ANGPT1: variants seen among roughly 807,000 people sequenced by gnomAD.
The protein encoded by ANGPT1 is angiopoietin 1.
A neutral mutation model predicts 62.2 loss-of-function variants in ANGPT1; 17 were observed. The observed-to-expected ratio is 0.27, with a 90% CI of 0.19 to 0.41. The LOEUF (loss-of-function observed/expected upper bound fraction) is 0.41, where lower values mean the gene tolerates loss of function less well. ANGPT1 is among the 10% of genes least tolerant of loss of function. The pLI is 1.00. For missense variants in ANGPT1, 478 were observed against 594.9 expected (o/e 0.80, Z 2.04); for synonymous variants, 199 against 198.9 (o/e 1.00, Z 0.00).
chr8:107,380,480 A>G (rs1816615571), intron 1 of ANGPT1, among the ~76,000 whole-genome samples: 1 of 152,050 alleles, frequency 6.6e-6, no homozygotes, highest in South Asian at 2.1e-4. Context: ...TAGAAGCTAG[A>G]TGCCATTTTG....
chr8:107,338,646 T>C (rs994039208), intron 2 of ANGPT1, among the ~76,000 whole-genome samples: 1 of 152,234 alleles, frequency 6.6e-6, no homozygotes, highest in Admixed American at 6.5e-5. Context: ...TTCTATTCTG[T>C]ATTATTTCAT....
In ANGPT1 at chr8:107,441,539, A is replaced by G. The variant is rs1288699519; in HGVS notation, c.297+55723T>C. ...TGGTACCCCATTGCCAAGTAGAGAG[A>G]AAATCAGCTCATCAGCTCAGGAGTC... is the stretch of plus-strand genomic sequence containing the variant. On this transcript the variant is annotated intron_variant, in intron 1 of 8. Coordinates refer to ENST00000517746, the MANE Select transcript of ANGPT1 (RefSeq NM_001146.5). 3.3e-5 allele frequency among the ~76,000 whole-genome samples: 5 copies of G among 152,184 alleles called. No individual in the cohort carries two copies. The East Asian group carries it at 9.6e-4, about 29-fold the overall frequency.
At chr8:107,257,886 TGTTTGTTTG>T (rs1421751810) in intron 8 of ANGPT1, among the ~76,000 whole-genome samples, 41 of 103,580 alleles carry the variant, frequency 4.0e-4, no homozygotes, top group East Asian at 2.8e-3. Flanking sequence ...GTTTCTTTTT[TGTTTGTTTG>T]TTTGTTTGTT....
intron 1 of ANGPT1, among the ~76,000 whole-genome samples, chr8:107,400,382 G>A (rs1211703579): frequency 6.6e-6 from 1 of 152,094 alleles, no homozygotes; most frequent in Non-Finnish European, 1.5e-5. Flanking sequence ...CTTCCACATA[G>A]TAGGTCCTGT....
At position 107,344,966 on chromosome 8, in the gene ANGPT1, T is replaced by C. The variant is rs146362385; in HGVS notation, c.453+1976A>G. Among the ~76,000 whole-genome samples the C allele has an allele frequency of 5.3e-4, 80 of 152,316 alleles. 1 individual carries two copies. The highest frequency in any genetic ancestry group is 1.7e-3 in the South Asian group (8 of 4,826). ...GCAGAACATGTCCTGTTGCAATAGT[T>C]CAAATAAGTAGCACGAGGGTATACA... On this transcript the variant is annotated intron_variant, in intron 2 of 8. Coordinates refer to ENST00000517746, the MANE Select transcript of ANGPT1 (RefSeq NM_001146.5).
At chr8:107,484,762 T>G (rs1367053822) in intron 1 of ANGPT1, among the ~76,000 whole-genome samples, 1 of 152,214 alleles carries the variant, frequency 6.6e-6, no homozygotes, top group Non-Finnish European at 1.5e-5. Flanking sequence ...TTGCTCTCTT[T>G]GCAGATAAAT....
At chr8:107,467,179 A>G (rs1812226153) in intron 1 of ANGPT1, among the ~76,000 whole-genome samples, 1 of 152,042 alleles carries the variant, frequency 6.6e-6, no homozygotes, top group South Asian at 2.1e-4. Context: ...GGAAATGATA[A>G]GGTGATAGAT....
At chr8:107,364,459 T>G (rs1816232213) in intron 1 of ANGPT1, among the ~76,000 whole-genome samples, 1 of 152,090 alleles carries the variant, frequency 6.6e-6, no homozygotes, top group Admixed American at 6.5e-5. Flanking sequence ...TTTTATATTT[T>G]CAGTAGAACC....
intron 1 of ANGPT1, among the ~76,000 whole-genome samples, chr8:107,481,071 A>C (rs868318766): frequency 1.1e-4 from 16 of 152,332 alleles, no homozygotes; most frequent in African/African-American, 3.1e-4. Flanking sequence ...TAGCATGGAA[A>C]CATCCAGAGA....
At chr8:107,331,972 C>T (rs1217006602) in intron 3 of ANGPT1, among the ~76,000 whole-genome samples, 5 of 152,070 alleles carry the variant, frequency 3.3e-5, no homozygotes, top group East Asian at 1.9e-4. Context: ...GCTTTGCTTC[C>T]GCCTTGCAAA....
At chr8:107,282,572 A>ATATATATG (rs1335308801) in intron 7 of ANGPT1, among the ~76,000 whole-genome samples, 5 of 123,784 alleles carry the variant, frequency 4.0e-5, no homozygotes, top group Non-Finnish European at 8.2e-5. Flanking sequence ...ATATATATAT[A>ATATATATG]TATATATATA....
At chr8:107,472,169 T>C (rs1812377380) in intron 1 of ANGPT1, among the ~76,000 whole-genome samples, 1 of 152,126 alleles carries the variant, frequency 6.6e-6, no homozygotes. Context: ...AAAAGTGCCA[T>C]TCTGTAGTAT....
At chr8:107,362,118 T>A (rs957139067) in intron 1 of ANGPT1, among the ~76,000 whole-genome samples, 1 of 152,210 alleles carries the variant, frequency 6.6e-6, no homozygotes, top group Admixed American at 6.5e-5. Context: ...GATGTGCATA[T>A]GTATTATACA....
In ANGPT1 at chr8:107,430,246, A is replaced by G. The variant is rs924162379; in HGVS notation, c.297+67016T>C. 3.3e-5 allele frequency among the ~76,000 whole-genome samples: 5 copies of G among 152,346 alleles called. No homozygotes were observed. The South Asian group carries it at 8.3e-4, about 25-fold the overall frequency. The stretch of plus-strand genomic sequence containing the variant: ...ATTCTAAATGAAAATGGAGTTTACT[A>G]TTAATGAAAAATTAGTTTGGGACAA... On this transcript the variant is annotated intron_variant, in intron 1 of 8. Transcript: ENST00000517746.
At chr8:107,378,900 G>T (rs1371736955) in intron 1 of ANGPT1, among the ~76,000 whole-genome samples, 1 of 149,138 alleles carries the variant, frequency 6.7e-6, no homozygotes, top group Non-Finnish European at 1.5e-5. Flanking sequence ...GTAACAGTGT[G>T]AAAATGAACA....
chr8:107,440,438 AAGGTTATTGAGCAAAT>A (rs1366230364), intron 1 of ANGPT1, among the ~76,000 whole-genome samples: 54 of 152,196 alleles, frequency 3.5e-4, no homozygotes, highest in Admixed American at 3.5e-3. Context: ...TGACATGGTC[AAGGTTATTGAGCAAAT>A]AGGTTTCCAT....
intron 1 of ANGPT1, among the ~76,000 whole-genome samples, chr8:107,455,877 C>T: frequency 6.6e-6 from 1 of 151,978 alleles, no homozygotes; most frequent in East Asian, 1.9e-4. Context: ...TATTTTCAAG[C>T]ATGGCAACAG....
chr8:107,313,429 G>GTTTTTTTTTTTTTTT lies in ANGPT1; in HGVS notation c.808+8452_808+8466dup, dbSNP rs71308720. Among the ~76,000 whole-genome samples, 5 of 64,182 alleles carry GTTTTTTTTTTTTTTT rather than the reference G, an allele frequency of 7.8e-5. 1 individual carries two copies. Among genetic ancestry groups the GTTTTTTTTTTTTTTT allele is most frequent in the Non-Finnish European group, 8.0e-5 (3 of 37,338 alleles). The allele number at this position is 64,182 out of a possible 152,430, so 42.1% of individuals were successfully genotyped here. On this transcript the variant is annotated intron_variant, in intron 4 of 8. Coordinates refer to ENST00000517746, the MANE Select transcript of ANGPT1 (RefSeq NM_001146.5). The stretch of plus-strand genomic sequence containing the variant: ...TAGGAAGCTAAAAATGTTACTAGTT[G>GTTTTTTTTTTTTTTT]TTTTTTTTTTTTTTTTTTTTTTTTT...
At chr8:107,477,915 A>G (rs1331968493) in intron 1 of ANGPT1, among the ~76,000 whole-genome samples, 1 of 152,136 alleles carries the variant, frequency 6.6e-6, no homozygotes, top group African/African-American at 2.4e-5. Flanking sequence ...AGACAAGGGA[A>G]AGTAAGAAAT....
Sources: gnomAD v4.1 joint callset for allele counts (sites outside exome capture counted in the v4.1 genomes callset) on GRCh38, gnomAD v4.1.1 for gene constraint, MANE v1.5 for transcripts, NCBI Gene and HGNC (gene_info 2026-07-23, HGNC 2026-07-21) for gene names.